Variants in THEMIS observed in about 807,000 individuals in gnomAD.
THEMIS encodes the protein protein THEMIS.
In THEMIS, 37 loss-of-function variants were observed where a neutral mutation model predicts 52.6. The observed-to-expected ratio is 0.70, with a 90% CI of 0.54 to 0.93. THEMIS has a LOEUF of 0.93. Among genes scored for constraint, THEMIS ranks in the 40% least tolerant of loss-of-function variants. The probability of loss-of-function intolerance (pLI) is 0.00; values close to 1 mark genes in which losing one functional copy is unlikely to be tolerated. For missense variants in THEMIS, 808 were observed against 763.1 expected (o/e 1.06, Z -0.69); for synonymous variants, 292 against 272.7 (o/e 1.07, Z -0.70).
At chr6:127,849,991 A>G (rs547240186) in intron 2 of THEMIS, among the ~76,000 whole-genome samples, 3 of 152,194 alleles carry the variant, frequency 2.0e-5, no homozygotes, top group African/African-American at 7.2e-5. Flanking sequence ...CTATGCATCC[A>G]ACCAAGGACT....
At position 127,798,368 on chromosome 6, in the gene THEMIS, T is replaced by C. The variant is rs574154245; in HGVS notation, c.1758+14515A>G. ...ACAGAATTTTTTTTTTCTTTTATTA[T>C]TATACTTTAAGTTTTAGGGTACATG... On this transcript the variant is annotated intron_variant, in intron 4 of 5. Coordinates refer to ENST00000368248, the MANE Select transcript of THEMIS (RefSeq NM_001010923.3). Among the ~76,000 whole-genome samples, 56 of 152,304 alleles carry C rather than the reference T, an allele frequency of 3.7e-4. 1 individual carries two copies. In the South Asian group the frequency reaches 8.3e-3, roughly 23 times the overall value.
intron 1 of THEMIS, among the ~76,000 whole-genome samples, chr6:127,896,769 T>C (rs1002896762): frequency 2.0e-5 from 3 of 151,588 alleles, no homozygotes; most frequent in African/African-American, 4.8e-5. Context: ...CCTTACCTTT[T>C]ACATAATTAA....
At chr6:127,814,152 G>A (rs922088988) in intron 3 of THEMIS, among the ~76,000 whole-genome samples, 2 of 152,020 alleles carry the variant, frequency 1.3e-5, no homozygotes, top group African/African-American at 2.4e-5. Flanking sequence ...TTTAAGAAGC[G>A]GACATTAGCC....
chr6:127,775,746 T>C (rs1302997199), intron 4 of THEMIS, among the ~76,000 whole-genome samples: 1 of 152,206 alleles, frequency 6.6e-6, no homozygotes, highest in African/African-American at 2.4e-5. Flanking sequence ...TACTCTTTAA[T>C]ATCTGGCTTC....
intron 4 of THEMIS, among the ~76,000 whole-genome samples, chr6:127,757,569 G>A (rs557529672): frequency 6.6e-6 from 1 of 151,692 alleles, no homozygotes; most frequent in African/African-American, 2.4e-5. Context: ...TGCAAGCTCT[G>A]CCTCCCGGGT....
intron 4 of THEMIS, among the ~76,000 whole-genome samples, chr6:127,733,717 G>C (rs542168456): frequency 2.0e-5 from 3 of 152,250 alleles, no homozygotes; most frequent in South Asian, 2.1e-4. Flanking sequence ...AATCTATCAG[G>C]CCTCAAGATT....
At chr6:127,726,594 C>A (rs1018810694) in intron 4 of THEMIS, among the ~76,000 whole-genome samples, 7 of 152,142 alleles carry the variant, frequency 4.6e-5, no homozygotes, top group African/African-American at 1.7e-4. Context: ...TCACTTGCAT[C>A]TTCCTCTATT....
intron 1 of THEMIS, among the ~76,000 whole-genome samples, chr6:127,861,010 C>A (rs1214846134): frequency 6.6e-6 from 1 of 152,018 alleles, no homozygotes; most frequent in African/African-American, 2.4e-5. Flanking sequence ...TCCTGTGTAT[C>A]CACAGAACAC....
At chr6:127,897,081 T>C (rs1780990586) in intron 1 of THEMIS, among the ~76,000 whole-genome samples, 1 of 151,446 alleles carries the variant, frequency 6.6e-6, no homozygotes, top group Non-Finnish European at 1.5e-5. Context: ...TCAATAAATG[T>C]CACTGCACCA....
At position 127,728,797 on chromosome 6, in the gene THEMIS, G is replaced by GA. The variant is rs1204322447; in HGVS notation, c.1759-8975dup. On this transcript the variant is annotated intron_variant, in intron 4 of 5. Transcript: ENST00000368248. Reference sequence around the variant, plus strand: ...GAAAATACATAGAATGAGTTCAATGGAAAAAAATGAAACAGAGAAGCGGAT... The same window carrying GA: ...GAAAATACATAGAATGAGTTCAATGGAAAAAAAATGAAACAGAGAAGCGGAT... Among the ~76,000 whole-genome samples the GA allele has an allele frequency of 5.3e-5, 8 of 152,064 alleles. No individual in the cohort carries two copies. The East Asian group carries it at 1.2e-3, about 22-fold the overall frequency.
intron 4 of THEMIS, among the ~76,000 whole-genome samples, chr6:127,804,988 G>A (rs535657674): frequency 6.6e-6 from 1 of 152,044 alleles, no homozygotes; most frequent in Non-Finnish European, 1.5e-5. Context: ...TATATTGTGT[G>A]ACTTCATAAT....
At chr6:127,731,181 C>G (rs1019315134) in intron 4 of THEMIS, among the ~76,000 whole-genome samples, 1 of 152,094 alleles carries the variant, frequency 6.6e-6, no homozygotes, top group Non-Finnish European at 1.5e-5. Context: ...TTTTTCCAGG[C>G]TTTTTCAAGA....
chr6:127,714,926 C>A (rs977824071), intron 5 of THEMIS, among the ~76,000 whole-genome samples: 2 of 151,776 alleles, frequency 1.3e-5, no homozygotes, highest in East Asian at 1.9e-4. Context: ...TGAAGGCTTG[C>A]GAGTAAGATT....
intron 1 of THEMIS, among the ~76,000 whole-genome samples, chr6:127,858,113 T>C (rs956876455): frequency 1.3e-5 from 2 of 152,028 alleles, no homozygotes; most frequent in South Asian, 2.1e-4. Context: ...AAAGGTTCAA[T>C]TGGAATTCAA....
intron 1 of THEMIS, among the ~76,000 whole-genome samples, chr6:127,858,662 A>C (rs1779697135): frequency 6.6e-6 from 1 of 152,158 alleles, no homozygotes; most frequent in Non-Finnish European, 1.5e-5. Flanking sequence ...AATTGCTGAG[A>C]TATGTGTCTG....
At chr6:127,702,458 G>C in the THEMIS span, among the ~76,000 whole-genome samples, 2 of 151,786 alleles carry the variant, frequency 1.3e-5, no homozygotes, top group African/African-American at 4.8e-5. Context: ...TGAATTTCTC[G>C]TGCTCTTACT....
At chr6:127,767,560 C>T (rs952498067) in intron 4 of THEMIS, among the ~76,000 whole-genome samples, 1 of 152,100 alleles carries the variant, frequency 6.6e-6, no homozygotes, top group African/African-American at 2.4e-5. Context: ...ACGTCTTGTC[C>T]CACTGGACTT....
rs762729452 is a variant in THEMIS at position 127,876,738 on chromosome 6, C to CAA, written c.92-21552_92-21551dup. On this transcript the variant is annotated intron_variant, in intron 1 of 5. Transcript: ENST00000368248. ...GTTAGTTAAAGATATAGTGTGAAAA[C>CAA]AAAACTAAACGAAAGCAATTAACTA... Among the ~76,000 whole-genome samples the CAA allele has an allele frequency of 2.9e-4, 44 of 152,222 alleles. No individual in the cohort carries two copies. In the South Asian group the frequency reaches 3.3e-3, roughly 11 times the overall value.
rs867765701 is a variant in THEMIS at position 127,817,130 on chromosome 6, C to T, written c.710-3199G>A. 1.3e-4 allele frequency among the ~76,000 whole-genome samples: 20 copies of T among 152,130 alleles called. 1 individual carries two copies. The Middle Eastern group carries it at 0.031, about 233-fold the overall frequency. On this transcript the variant is annotated intron_variant, in intron 3 of 5. Coordinates refer to ENST00000368248, the MANE Select transcript of THEMIS (RefSeq NM_001010923.3). ...TTATGAACATTTTCTATTTTTGTTT[C>T]CCTAAACTGAAACATATGCCTTCCC...
Sources: allele counts gnomAD v4.1 joint callset (sites outside exome capture counted in the v4.1 genomes callset), GRCh38; gene constraint gnomAD v4.1.1; transcripts MANE v1.5; gene names NCBI Gene and HGNC (gene_info 2026-07-23, HGNC 2026-07-21).